The following NR6A1 variants were observed in gnomAD, a reference collection of about 807,000 sequenced individuals.
The protein encoded by NR6A1 is nuclear receptor subfamily 6 group A member 1.
A neutral mutation model predicts 59.1 loss-of-function variants in NR6A1; 7 were observed. The ratio of observed to expected loss-of-function variants is 0.12; its 90% confidence interval spans 0.07 to 0.22. The LOEUF (loss-of-function observed/expected upper bound fraction) is 0.22, where lower values mean the gene tolerates loss of function less well. Among genes scored for constraint, NR6A1 ranks in the 10% least tolerant of loss-of-function variants. The probability of loss-of-function intolerance (pLI) is 1.00; values close to 1 mark genes in which losing one functional copy is unlikely to be tolerated. For missense variants in NR6A1, 468 were observed against 611.6 expected (o/e 0.77, Z 2.48); for synonymous variants, 243 against 236.1 (o/e 1.03, Z -0.27).
At chr9:124,688,823 T>C (rs552389655) in intron 2 of NR6A1, among the ~76,000 whole-genome samples, 1 of 152,350 alleles carries the variant, frequency 6.6e-6, no homozygotes, top group Non-Finnish European at 1.5e-5. Flanking sequence ...TTTATGTACA[T>C]GTATTTAGGG....
intron 3 of NR6A1, among the ~76,000 whole-genome samples, chr9:124,550,785 C>T (rs1367238851): frequency 2.6e-5 from 4 of 152,102 alleles, no homozygotes; most frequent in Non-Finnish European, 5.9e-5. Flanking sequence ...ATCCTCTTGC[C>T]TTGGCCTCCC....
intron 2 of NR6A1, chr9:124,599,073 C>T: frequency 1.4e-6 from 1 of 725,018 alleles, no homozygotes; most frequent in African/African-American, 1.7e-5. Context: ...AGGAGCTTGA[C>T]GTCACCAGTG....
intron 1 of NR6A1, among the ~76,000 whole-genome samples, chr9:124,737,879 A>G (rs1406712667): frequency 1.3e-5 from 2 of 151,318 alleles, no homozygotes; most frequent in Non-Finnish European, 3.0e-5. Context: ...ACCAAAAAAA[A>G]GAGGCTGGGC....
At chr9:124,699,141 G>A (rs1397427211) in intron 2 of NR6A1, among the ~76,000 whole-genome samples, 1 of 152,134 alleles carries the variant, frequency 6.6e-6, no homozygotes, top group Non-Finnish European at 1.5e-5. Flanking sequence ...TCTCAGATGT[G>A]AAAAAGCGCT....
intron 2 of NR6A1, among the ~76,000 whole-genome samples, chr9:124,570,924 CA>C (rs1427562496): frequency 2.0e-5 from 3 of 152,192 alleles, no homozygotes; most frequent in African/African-American, 7.2e-5. Context: ...CTTCTTGTCT[CA>C]AATCATTGCA....
chr9:124,617,478 T>C (rs776011454), intron 2 of NR6A1, among the ~76,000 whole-genome samples: 1 of 152,236 alleles, frequency 6.6e-6, no homozygotes, highest in Non-Finnish European at 1.5e-5. Context: ...CTACAAATAA[T>C]GCTACAGGGA....
At chr9:124,553,985 A>G (rs1395992906) in intron 3 of NR6A1, among the ~76,000 whole-genome samples, 1 of 152,170 alleles carries the variant, frequency 6.6e-6, no homozygotes, top group Non-Finnish European at 1.5e-5. Context: ...CGCATTCAGC[A>G]ATCTCCTACC....
At chr9:124,686,285 T>A (rs1016776565) in intron 2 of NR6A1, among the ~76,000 whole-genome samples, 1 of 152,356 alleles carries the variant, frequency 6.6e-6, no homozygotes, top group African/African-American at 2.4e-5. Flanking sequence ...AAGGAAAGAT[T>A]GAGTTCTTTG....
intron 2 of NR6A1, among the ~76,000 whole-genome samples, chr9:124,707,378 G>GTC (rs1354403620): frequency 6.6e-6 from 1 of 151,754 alleles, no homozygotes; most frequent in African/African-American, 2.4e-5. Context: ...CTATGTACTA[G>GTC]ATCACTGTCA....
intron 2 of NR6A1, among the ~76,000 whole-genome samples, chr9:124,709,858 C>T (rs1839227421): frequency 6.6e-6 from 1 of 151,544 alleles, no homozygotes; most frequent in Non-Finnish European, 1.5e-5. Flanking sequence ...TCGCTTGAAC[C>T]TTGCCTGAAC....
At chr9:124,580,116 C>G (rs2131455804) in intron 2 of NR6A1, among the ~76,000 whole-genome samples, 1 of 152,352 alleles carries the variant, frequency 6.6e-6, no homozygotes, top group Middle Eastern at 3.4e-3. Context: ...CAAACACAAA[C>G]TAGTACATGA....
intron 2 of NR6A1, among the ~76,000 whole-genome samples, chr9:124,663,914 TA>T (rs1033108979): frequency 6.6e-5 from 10 of 151,194 alleles, no homozygotes; most frequent in African/African-American, 9.7e-5. Flanking sequence ...CCATTAAGTA[TA>T]AAAAAAAAGA....
At chr9:124,756,303 GC>G (rs1486567090) in intron 1 of NR6A1, among the ~76,000 whole-genome samples, 5 of 152,168 alleles carry the variant, frequency 3.3e-5, no homozygotes, top group Admixed American at 6.6e-5. Flanking sequence ...AGAGCAGCTG[GC>G]TTATTCATTT....
chr9:124,575,143 T>G (rs1188808732), intron 2 of NR6A1, among the ~76,000 whole-genome samples: 1 of 152,168 alleles, frequency 6.6e-6, no homozygotes, highest in African/African-American at 2.4e-5. Flanking sequence ...ACATCTGTAC[T>G]CCCCACCTTC....
At chr9:124,685,364 G>T (rs954556609) in intron 2 of NR6A1, among the ~76,000 whole-genome samples, 1 of 152,112 alleles carries the variant, frequency 6.6e-6, no homozygotes, top group Non-Finnish European at 1.5e-5. Flanking sequence ...TCACTCCGTC[G>T]CCCAGGCTGG....
chr9:124,685,242 T>C (rs901716073), intron 2 of NR6A1, among the ~76,000 whole-genome samples: 7 of 152,348 alleles, frequency 4.6e-5, no homozygotes, highest in African/African-American at 1.4e-4. Context: ...AATTTACTCC[T>C]AGAAAAGCTG....
intron 2 of NR6A1, among the ~76,000 whole-genome samples, chr9:124,617,766 C>T (rs1026148223): frequency 6.6e-6 from 1 of 152,166 alleles, no homozygotes; most frequent in Admixed American, 6.5e-5. Context: ...GCAAAATCCA[C>T]AGAACATGCT....
intron 7 of NR6A1, among the ~76,000 whole-genome samples, chr9:124,531,635 T>C (rs1457804407): frequency 6.6e-6 from 1 of 152,148 alleles, no homozygotes; most frequent in African/African-American, 2.4e-5. Context: ...TATGACCTCC[T>C]AGGCAGTCCT....
intron 4 of NR6A1, among the ~76,000 whole-genome samples, 190 bp downstream of exon 4, chr9:124,543,612 A>G (rs1312360439): frequency 6.6e-6 from 1 of 152,192 alleles, no homozygotes; most frequent in Admixed American, 6.5e-5. Context: ...GAAGAGCTTT[A>G]ATCATTAACT....
Sources: allele counts gnomAD v4.1 joint callset (sites outside exome capture counted in the v4.1 genomes callset), GRCh38; gene constraint gnomAD v4.1.1; transcripts MANE v1.5; gene names NCBI Gene and HGNC (gene_info 2026-07-23, HGNC 2026-07-21).